The following CCL17 variants were observed in gnomAD, a reference collection of about 807,000 sequenced individuals.
CCL17 encodes C-C motif chemokine 17.
CCL17 carries 8 observed loss-of-function variants against 7.4 expected under a neutral mutation model. That is an observed-to-expected ratio of 1.09 (90% CI 0.64 to 1.96). The LOEUF is 1.96. Among genes scored for constraint, CCL17 ranks in the 30% most tolerant of loss-of-function variants. CCL17 has a pLI of 0.00. For missense variants in CCL17, 102 were observed against 113.0 expected (o/e 0.90, Z 0.44); for synonymous variants, 40 against 46.1 (o/e 0.87, Z 0.54).
chr16:57,406,534 C>T (rs1902698551), intron 1 of CCL17, among the ~76,000 whole-genome samples: 1 of 152,126 alleles, frequency 6.6e-6, no homozygotes, highest in African/African-American at 2.4e-5. Flanking sequence ...CTGAGATTCC[C>T]CTGCCCCAAC....
At chr16:57,407,968 T>C (rs1902722646) in intron 1 of CCL17, among the ~76,000 whole-genome samples, 2 of 150,736 alleles carry the variant, frequency 1.3e-5, no homozygotes, top group Admixed American at 1.3e-4. Context: ...CCATCTACCA[T>C]CCATCCATCT....
At chr16:57,407,737 CCATCCATCCAT>C (rs1199474740) in intron 1 of CCL17, among the ~76,000 whole-genome samples, 7 of 151,628 alleles carry the variant, frequency 4.6e-5, no homozygotes, top group Non-Finnish European at 8.8e-5. Flanking sequence ...ATCCATCCTT[CCATCCATCCAT>C]CATCCATCCA....
chr16:57,415,944 C>T lies in CCL17; in HGVS notation c.*83C>T, dbSNP rs901979152. On this transcript the variant is annotated 3_prime_UTR_variant, in exon 4 of 4. Coordinates refer to ENST00000219244, the MANE Select transcript of CCL17 (RefSeq NM_002987.3). The surrounding 1 kb of genome is among the most constrained non-coding windows in gnomAD (Gnocchi z 4.5). ...TGGTGTTCACCGCCCCCACCCTGAG[C>T]GCCTGGGTCCAGGGGAGGCCTTCCA... The T allele has an allele frequency of 1.1e-5, 10 of 891,848 alleles. No homozygotes were observed. The highest frequency in any genetic ancestry group is 2.5e-5 in the East Asian group (1 of 39,446). 55.2% of individuals were successfully genotyped at this position (891,848 alleles called of 1,614,324 possible).
upstream of CCL17, among the ~76,000 whole-genome samples, chr16:57,403,482 A>AT (rs1902636762): frequency 1.0e-3 from 2 of 2,010 alleles, 1 homozygote; most frequent in Non-Finnish European, 3.0e-3. Context: ...TATATATTAT[A>AT]TAATAATATA....
intron 1 of CCL17, among the ~76,000 whole-genome samples, chr16:57,410,557 T>A (rs1485466208): frequency 1.3e-4 from 20 of 152,288 alleles, no homozygotes; most frequent in African/African-American, 4.8e-4. Context: ...CAGGGAGCAT[T>A]CCTGATTGCC....
At chr16:57,406,059 C>T (rs1253957158) in intron 1 of CCL17, among the ~76,000 whole-genome samples, 2 of 150,646 alleles carry the variant, frequency 1.3e-5, no homozygotes, top group Non-Finnish European at 3.0e-5. Flanking sequence ...AAAAAGAAGT[C>T]TTTATCCAGA....
upstream of CCL17, among the ~76,000 whole-genome samples, chr16:57,404,334 G>C (rs1902664188): frequency 6.6e-6 from 1 of 152,144 alleles, no homozygotes; most frequent in African/African-American, 2.4e-5. Context: ...GGCAGTTGTA[G>C]GAAGCCAGGG....
intron 1 of CCL17, among the ~76,000 whole-genome samples, chr16:57,406,091 G>T (rs1243702883): frequency 6.6e-6 from 1 of 151,932 alleles, no homozygotes; most frequent in East Asian, 1.9e-4. Context: ...TGGGGTAGAT[G>T]ATGTCAGGGA....
intron 1 of CCL17, among the ~76,000 whole-genome samples, chr16:57,412,967 A>C (rs1171419077): frequency 3.3e-5 from 5 of 152,162 alleles, no homozygotes; most frequent in African/African-American, 1.2e-4. Context: ...CCCCCACTGG[A>C]AAGTGGACTT....
At chr16:57,414,916 A>G (rs1902844147) in intron 2 of CCL17, among the ~76,000 whole-genome samples, 165 bp from the exon 3 acceptor site, 1 of 151,992 alleles carries the variant, frequency 6.6e-6, no homozygotes, top group Non-Finnish European at 1.5e-5. Flanking sequence ...ATGGTAACAC[A>G]CAGACACACA....
At chr16:57,402,849 G>A (rs1171713204), upstream of CCL17, among the ~76,000 whole-genome samples, 1 of 151,542 alleles carries the variant, frequency 6.6e-6, no homozygotes, top group Non-Finnish European at 1.5e-5. Context: ...TGTATTGAAG[G>A]CCTACCATGT....
chr16:57,399,319 C>T, the CCL17 span, among the ~76,000 whole-genome samples: 5 of 152,276 alleles, frequency 3.3e-5, no homozygotes, highest in South Asian at 8.3e-4. Context: ...GGCCCTCTTT[C>T]TAGAGTGTCA....
chr16:57,399,429 T>G, the CCL17 span, among the ~76,000 whole-genome samples: 1 of 152,078 alleles, frequency 6.6e-6, no homozygotes, highest in South Asian at 2.1e-4. Context: ...AATAAGACAT[T>G]GACCTTCTTT....
At chr16:57,408,425 T>A (rs562862406) in intron 1 of CCL17, among the ~76,000 whole-genome samples, 4 of 151,996 alleles carry the variant, frequency 2.6e-5, no homozygotes, top group East Asian at 3.9e-4. Flanking sequence ...ATATATATAT[T>A]TTTTGAGACA....
upstream of CCL17, among the ~76,000 whole-genome samples, chr16:57,404,034 G>A (rs1244011397): frequency 6.6e-6 from 1 of 152,122 alleles, no homozygotes; most frequent in Non-Finnish European, 1.5e-5. Flanking sequence ...AGAACAGTCC[G>A]TGCAAACCTC....
chr16:57,404,477 G>A (rs112623687), upstream of CCL17, among the ~76,000 whole-genome samples: 2 of 152,192 alleles, frequency 1.3e-5, no homozygotes, highest in African/African-American at 4.8e-5. Flanking sequence ...GGAAGGAAGG[G>A]GCTGGCAGAG....
chr16:57,415,038 G>A lies in CCL17; in HGVS notation c.71-43G>A, dbSNP rs751676065. ...CCCCAGAGGTCCCCGCAACACACAC[G>A]CAGACACTCACAGACACCCCTGCCC... On this transcript the variant is annotated intron_variant, in intron 2 of 3. Transcript: ENST00000219244. The surrounding 1 kb of genome is among the most constrained non-coding windows in gnomAD (Gnocchi z 4.5). 11 of 1,320,812 alleles carry A rather than the reference G, an allele frequency of 8.3e-6. No individual in the cohort carries two copies. The highest frequency in any genetic ancestry group is 2.9e-5 in the African/African-American group (2 of 69,010). The allele number at this position is 1,320,812 out of a possible 1,614,324, so 81.8% of individuals were successfully genotyped here. A position where few individuals can be genotyped will look rare whatever the true frequency, so the allele number is the denominator to read the frequency against.
chr16:57,408,415 A>C (rs550888135), intron 1 of CCL17, among the ~76,000 whole-genome samples: 3 of 137,054 alleles, frequency 2.2e-5, no homozygotes, highest in African/African-American at 3.6e-5. Flanking sequence ...TTCAGTAAAC[A>C]TATATATATT....
chr16:57,396,579 G>A, the CCL17 span, among the ~76,000 whole-genome samples: 3 of 152,148 alleles, frequency 2.0e-5, no homozygotes, highest in Admixed American at 6.5e-5. Context: ...TAGTGGTGGG[G>A]GCGCTGCTGC....
Sources: allele counts gnomAD v4.1 joint callset (sites outside exome capture counted in the v4.1 genomes callset), GRCh38; gene constraint gnomAD v4.1.1; non-coding constraint Gnocchi (gnomAD v3.1); transcripts MANE v1.5; gene names NCBI Gene and HGNC (gene_info 2026-07-23, HGNC 2026-07-21).